The following DOCK2 variants were observed in gnomAD, a reference collection of about 807,000 sequenced individuals.
DOCK2 encodes dedicator of cytokinesis 2, also known as dedicator of cytokinesis protein 2.
In DOCK2, 87 loss-of-function variants were observed where a neutral mutation model predicts 248.9. That is an observed-to-expected ratio of 0.35 (90% confidence interval 0.29 to 0.42). The LOEUF (loss-of-function observed/expected upper bound fraction) is 0.42, where lower values mean the gene tolerates loss of function less well. DOCK2 is among the 10% of genes least tolerant of loss of function. DOCK2 has a pLI of 1.00. For missense variants in DOCK2, 1,747 were observed against 2,300.2 expected, an observed-to-expected ratio of 0.76 and a Z score of 4.92; for synonymous variants, 805 against 821.6, an observed-to-expected ratio of 0.98 and a Z score of 0.35.
chr5:169,941,867 G>A (rs886857835), intron 27 of DOCK2, among the ~76,000 whole-genome samples: 8 of 152,280 alleles, frequency 5.3e-5, no homozygotes, highest in Admixed American at 3.3e-4. Context: ...TTTGGTTTGC[G>A]TTAACAGCAG....
chr5:169,658,238 T>G (rs1483964658), intron 2 of DOCK2, among the ~76,000 whole-genome samples: 1 of 152,020 alleles, frequency 6.6e-6, no homozygotes, highest in Non-Finnish European at 1.5e-5. Context: ...CCCAGCACTT[T>G]GGGAGGCAGA....
chr5:169,956,521 G>A (rs574728056), intron 27 of DOCK2, among the ~76,000 whole-genome samples: 4 of 152,332 alleles, frequency 2.6e-5, no homozygotes, highest in African/African-American at 7.2e-5. Context: ...TTGAAGACAT[G>A]AGCTTGTAAG....
chr5:169,900,878 C>A (rs939012752), intron 27 of DOCK2, among the ~76,000 whole-genome samples: 3 of 152,024 alleles, frequency 2.0e-5, no homozygotes, highest in African/African-American at 7.2e-5. Flanking sequence ...TAAAACCCAG[C>A]AAATCATCGA....
chr5:169,772,413 A>C (rs1194608055), intron 25 of DOCK2, among the ~76,000 whole-genome samples: 1 of 152,214 alleles, frequency 6.6e-6, no homozygotes, highest in Non-Finnish European at 1.5e-5. Context: ...TAATAACAGC[A>C]CTGAACTGGG....
intron 25 of DOCK2, among the ~76,000 whole-genome samples, chr5:169,797,004 G>T (rs1344096673): frequency 2.0e-5 from 3 of 152,218 alleles, no homozygotes; most frequent in Non-Finnish European, 4.4e-5. Flanking sequence ...TGACCACAAG[G>T]GACTCCTGTG....
intron 6 of DOCK2, among the ~76,000 whole-genome samples, chr5:169,676,444 G>T (rs369075352): frequency 3.3e-5 from 5 of 152,292 alleles, no homozygotes; most frequent in Non-Finnish European, 5.9e-5. Context: ...CTATAGCCCT[G>T]TGCTTTTAGT....
chr5:169,961,021 A>C (rs1777065446), intron 27 of DOCK2, among the ~76,000 whole-genome samples: 2 of 152,228 alleles, frequency 1.3e-5, no homozygotes, highest in Admixed American at 6.5e-5. Flanking sequence ...CTGAGGACTA[A>C]GAAAGACGAC....
chr5:170,062,141 G>T (rs10052906), intron 44 of DOCK2, among the ~76,000 whole-genome samples: 36,849 of 151,648 alleles, frequency 0.24, 5,085 homozygotes, highest in African/African-American at 0.36. Flanking sequence ...GAGAGAGAGA[G>T]AGAGAGACAG....
chr5:169,908,190 G>A (rs750121106), intron 27 of DOCK2, among the ~76,000 whole-genome samples: 2 of 152,080 alleles, frequency 1.3e-5, no homozygotes, highest in Non-Finnish European at 2.9e-5. Context: ...CAGGCTGCAG[G>A]ACAAATGTTA....
intron 27 of DOCK2, chr5:169,934,727 C>T (rs1353870369): frequency 4.4e-6 from 2 of 456,086 alleles, no homozygotes; most frequent in South Asian, 1.5e-5. Flanking sequence ...CAAGGGTTAG[C>T]ACAGGGCTGC....
chr5:169,712,251 C>CTG, intron 17 of DOCK2, 28 bp downstream of exon 17: 1 of 1,606,792 alleles, frequency 6.2e-7, no homozygotes, highest in East Asian at 2.2e-5. Flanking sequence ...GAGCTCTGCA[C>CTG]TGAGGGGAGT....
chr5:170,057,437 G>T, intron 43 of DOCK2, 143 bp from the exon 44 acceptor site: 1 of 723,576 alleles, frequency 1.4e-6, no homozygotes. Context: ...GCGTGTTTCT[G>T]GGTCTTGCAA....
chr5:169,671,615 T>C (rs1240411495), intron 5 of DOCK2, among the ~76,000 whole-genome samples: 3 of 152,238 alleles, frequency 2.0e-5, no homozygotes, highest in Non-Finnish European at 4.4e-5. Flanking sequence ...AGTTTTGACT[T>C]TGGAAAAACA....
intron 6 of DOCK2, among the ~76,000 whole-genome samples, chr5:169,678,936 C>T (rs907776618): frequency 3.3e-5 from 5 of 152,058 alleles, no homozygotes; most frequent in African/African-American, 9.7e-5. Flanking sequence ...AAGAGAAACT[C>T]GGAGGGAGAG....
chr5:170,041,410 G>A (rs1270606748), intron 37 of DOCK2, among the ~76,000 whole-genome samples: 1 of 152,136 alleles, frequency 6.6e-6, no homozygotes, highest in Non-Finnish European at 1.5e-5. Context: ...GCTATTAACG[G>A]TAAATCATTG....
chr5:169,730,651 CATT>C (rs1266287305), intron 22 of DOCK2, among the ~76,000 whole-genome samples: 16 of 152,094 alleles, frequency 1.1e-4, no homozygotes, highest in African/African-American at 3.6e-4. Flanking sequence ...ATAAACTGTC[CATT>C]CTTTAATCAT....
intron 27 of DOCK2, among the ~76,000 whole-genome samples, chr5:169,967,056 G>T (rs1157888005): frequency 1.3e-5 from 2 of 152,236 alleles, no homozygotes; most frequent in Non-Finnish European, 2.9e-5. Flanking sequence ...CTATGTGCCA[G>T]GCACTGTGCC....
At chr5:169,648,908 G>T (rs531605569) in intron 1 of DOCK2, among the ~76,000 whole-genome samples, 1 of 152,288 alleles carries the variant, frequency 6.6e-6, no homozygotes, top group African/African-American at 2.4e-5. Flanking sequence ...TGCCTCATTT[G>T]CTGCTGACTA....
At chr5:169,879,888 T>G (rs1772537469) in intron 27 of DOCK2, among the ~76,000 whole-genome samples, 1 of 152,192 alleles carries the variant, frequency 6.6e-6, no homozygotes, top group African/African-American at 2.4e-5. Context: ...TAAAATCATT[T>G]TAAGGTAACA....
Sources: allele counts gnomAD v4.1 joint callset (sites outside exome capture counted in the v4.1 genomes callset), GRCh38; gene constraint gnomAD v4.1.1; transcripts MANE v1.5; gene names NCBI Gene and HGNC (gene_info 2026-07-23, HGNC 2026-07-21).